The following GABRB1 variants were observed in gnomAD, a reference collection of about 807,000 sequenced individuals.
GABRB1 encodes gamma-aminobutyric acid receptor subunit beta-1.
In GABRB1, 17 loss-of-function variants were observed where a neutral mutation model predicts 51.6. The observed-to-expected ratio is 0.33, with a 90% confidence interval of 0.23 to 0.49. The LOEUF is 0.49. Ranked by LOEUF, GABRB1 falls within the 20% of genes least tolerant of loss-of-function variation. The probability of loss-of-function intolerance (pLI) is 0.99; values close to 1 mark genes in which losing one functional copy is unlikely to be tolerated. For synonymous variants in GABRB1, 247 were observed against 218.9 expected (o/e 1.13, Z -1.14); for missense variants, 410 against 600.6 (o/e 0.68, Z 3.32).
At chr4:47,016,551 T>C (rs1319930581) in intron 1 of GABRB1, among the ~76,000 whole-genome samples, 1 of 151,632 alleles carries the variant, frequency 6.6e-6, no homozygotes, top group Non-Finnish European at 1.5e-5. Flanking sequence ...AAAATTTCTA[T>C]CTGTGCAGAT....
intron 4 of GABRB1, among the ~76,000 whole-genome samples, chr4:47,311,915 A>G (rs192891089): frequency 6.6e-6 from 1 of 152,250 alleles, no homozygotes; most frequent in East Asian, 1.9e-4. Context: ...CAAAGGGCTT[A>G]TGTAATCTCT....
chr4:47,370,534 G>A (rs765415125), intron 5 of GABRB1, among the ~76,000 whole-genome samples: 7 of 151,880 alleles, frequency 4.6e-5, no homozygotes, highest in Admixed American at 2.0e-4. Context: ...GGAGGCTTTA[G>A]GCAACACGCA....
intron 1 of GABRB1, among the ~76,000 whole-genome samples, chr4:47,005,189 C>T (rs1049867948): frequency 2.0e-5 from 3 of 152,162 alleles, no homozygotes; most frequent in African/African-American, 4.8e-5. Flanking sequence ...GAGGCCGAGG[C>T]GGGTGGATCA....
intron 4 of GABRB1, among the ~76,000 whole-genome samples, chr4:47,319,042 T>C (rs1378653252): frequency 1.3e-5 from 2 of 152,128 alleles, no homozygotes; most frequent in East Asian, 3.8e-4. Flanking sequence ...TATTTAACGA[T>C]GCATCATGAA....
chr4:47,398,157 C>A (rs956714806), intron 5 of GABRB1, among the ~76,000 whole-genome samples: 1 of 151,978 alleles, frequency 6.6e-6, no homozygotes, highest in East Asian at 1.9e-4. Flanking sequence ...TTTAACTGGT[C>A]CTTTTCATCT....
At chr4:47,366,777 A>G (rs1216448438) in intron 5 of GABRB1, among the ~76,000 whole-genome samples, 1 of 152,192 alleles carries the variant, frequency 6.6e-6, no homozygotes, top group Non-Finnish European at 1.5e-5. Flanking sequence ...AGTTTCCATT[A>G]TGATGAAAAG....
intron 1 of GABRB1, among the ~76,000 whole-genome samples, chr4:47,015,707 A>G (rs769081615): frequency 2.0e-5 from 3 of 152,266 alleles, no homozygotes; most frequent in Non-Finnish European, 4.4e-5. Context: ...ATGTTATACA[A>G]GCAACGGGCA....
chr4:47,152,739 G>A (rs6447535), intron 3 of GABRB1, among the ~76,000 whole-genome samples: 130,690 of 151,924 alleles, frequency 0.86, 56,232 homozygotes, highest in African/African-American at 0.9. Flanking sequence ...TCTTCTTATC[G>A]TAGTCTACCT....
intron 1 of GABRB1, 43 bp downstream of exon 1, chr4:47,031,774 C>T (rs28564672): frequency 1.9e-4 from 271 of 1,426,390 alleles, no homozygotes; most frequent in Middle Eastern, 3.5e-4. Context: ...CTCTCTCTCT[C>T]TTTTTTTCTT....
At chr4:47,021,477 G>C (rs1222053124) in intron 1 of GABRB1, among the ~76,000 whole-genome samples, 1 of 152,040 alleles carries the variant, frequency 6.6e-6, no homozygotes, top group Non-Finnish European at 1.5e-5. Flanking sequence ...GATGAAGCTG[G>C]GAAAAAATAA....
intron 8 of GABRB1, among the ~76,000 whole-genome samples, chr4:47,423,302 G>T (rs1418854873): frequency 6.6e-6 from 1 of 152,184 alleles, no homozygotes; most frequent in Non-Finnish European, 1.5e-5. Flanking sequence ...CTAGAGTCTA[G>T]TCCATTCAGT....
chr4:47,108,945 T>G (rs1459223686), intron 3 of GABRB1, among the ~76,000 whole-genome samples: 3 of 152,056 alleles, frequency 2.0e-5, no homozygotes, highest in African/African-American at 7.2e-5. Flanking sequence ...TTATAGAAAG[T>G]TTGCTTCCCG....
At chr4:47,168,520 C>T (rs557126687) in intron 4 of GABRB1, among the ~76,000 whole-genome samples, 1 of 152,156 alleles carries the variant, frequency 6.6e-6, no homozygotes, top group East Asian at 1.9e-4. Context: ...TCTCCATCTC[C>T]TATATTAAGA....
chr4:47,173,228 C>A (rs1357315584), intron 4 of GABRB1, among the ~76,000 whole-genome samples: 1 of 151,972 alleles, frequency 6.6e-6, no homozygotes, highest in Non-Finnish European at 1.5e-5. Context: ...ATTTTTTGTT[C>A]TACAATACAA....
chr4:47,189,283 C>T (rs1050356354), intron 4 of GABRB1, among the ~76,000 whole-genome samples: 2 of 151,746 alleles, frequency 1.3e-5, no homozygotes, highest in Non-Finnish European at 2.9e-5. Flanking sequence ...GGAGTCAAGC[C>T]AAGATAAGTG....
intron 3 of GABRB1, among the ~76,000 whole-genome samples, chr4:47,067,812 G>T (rs1262258400): frequency 1.3e-5 from 2 of 151,966 alleles, no homozygotes; most frequent in Non-Finnish European, 2.9e-5. Context: ...TTGCTGCGCA[G>T]ATCAACCCAT....
At chr4:47,274,905 C>T (rs1421232018) in intron 4 of GABRB1, among the ~76,000 whole-genome samples, 1 of 152,176 alleles carries the variant, frequency 6.6e-6, no homozygotes, top group Non-Finnish European at 1.5e-5. Context: ...ATGGCCATTC[C>T]TATTCAGCTA....
At chr4:47,237,399 G>T (rs1333933069) in intron 4 of GABRB1, among the ~76,000 whole-genome samples, 1 of 151,958 alleles carries the variant, frequency 6.6e-6, no homozygotes, top group Non-Finnish European at 1.5e-5. Flanking sequence ...CTGAAGGAGA[G>T]AAACATGCAA....
chr4:47,232,772 G>A (rs925696878), intron 4 of GABRB1, among the ~76,000 whole-genome samples: 7 of 151,920 alleles, frequency 4.6e-5, no homozygotes, highest in African/African-American at 1.7e-4. Flanking sequence ...TTATCCAAAA[G>A]GTCATCAAAT....
Sources: gnomAD v4.1 joint callset for allele counts (sites outside exome capture counted in the v4.1 genomes callset) on GRCh38, gnomAD v4.1.1 for gene constraint, MANE v1.5 for transcripts, NCBI Gene and HGNC (gene_info 2026-07-23, HGNC 2026-07-21) for gene names.